Variants in HS3ST4 observed in about 807,000 individuals in gnomAD.
HS3ST4 encodes heparan sulfate-glucosamine 3-sulfotransferase 4, also known as heparan sulfate glucosamine 3-O-sulfotransferase 4.
In HS3ST4, 17 loss-of-function variants were observed where a neutral mutation model predicts 29.2. That is an observed-to-expected ratio of 0.58 (90% CI 0.40 to 0.87). The LOEUF is 0.87. HS3ST4 is among the 40% of genes least tolerant of loss of function. The pLI is 0.00. For missense variants in HS3ST4, 627 were observed against 634.5 expected, an observed-to-expected ratio of 0.99 and a Z score of 0.13; for synonymous variants, 314 against 285.7, an observed-to-expected ratio of 1.10 and a Z score of -1.00.
At chr16:25,846,072 G>A (rs1310900217) in intron 1 of HS3ST4, among the ~76,000 whole-genome samples, 1 of 152,174 alleles carries the variant, frequency 6.6e-6, no homozygotes, top group African/African-American at 2.4e-5. Flanking sequence ...GTAGGAGGCT[G>A]TTGGCATTTG....
chr16:26,080,815 G>A (rs150659753), intron 1 of HS3ST4, among the ~76,000 whole-genome samples: 4 of 152,246 alleles, frequency 2.6e-5, no homozygotes, highest in African/African-American at 4.8e-5. Context: ...TACAGATGCC[G>A]GTTGTTGCTA....
intron 1 of HS3ST4, among the ~76,000 whole-genome samples, chr16:25,729,529 AG>A: frequency 6.6e-6 from 1 of 152,330 alleles, no homozygotes; most frequent in African/African-American, 2.4e-5. Flanking sequence ...AGCAATAGAG[AG>A]GAAGTTCCTT....
chr16:26,027,354 T>TA (rs1427818535), intron 1 of HS3ST4, among the ~76,000 whole-genome samples: 2 of 152,200 alleles, frequency 1.3e-5, no homozygotes, highest in Non-Finnish European at 2.9e-5. Flanking sequence ...GGGAACTACT[T>TA]ACATTCCATC....
intron 1 of HS3ST4, among the ~76,000 whole-genome samples, chr16:26,060,878 A>C (rs1898466393): frequency 6.6e-6 from 1 of 152,222 alleles, no homozygotes; most frequent in African/African-American, 2.4e-5. Flanking sequence ...TGGGTATTCC[A>C]GTTCCTCTGG....
chr16:26,011,128 T>TA (rs1284582040), intron 1 of HS3ST4, among the ~76,000 whole-genome samples: 1 of 152,070 alleles, frequency 6.6e-6, no homozygotes, highest in Non-Finnish European at 1.5e-5. Context: ...TTGGCATGGT[T>TA]AGGAAATTGG....
At chr16:25,884,248 G>A (rs890971346) in intron 1 of HS3ST4, among the ~76,000 whole-genome samples, 2 of 152,140 alleles carry the variant, frequency 1.3e-5, no homozygotes, top group African/African-American at 2.4e-5. Context: ...AAGGAGTTCC[G>A]TGGCATGGCT....
intron 1 of HS3ST4, among the ~76,000 whole-genome samples, chr16:25,865,387 C>T (rs1967683807): frequency 6.6e-6 from 1 of 152,114 alleles, no homozygotes; most frequent in African/African-American, 2.4e-5. Flanking sequence ...TTTTTATTTG[C>T]ACTTCTCTCT....
intron 1 of HS3ST4, among the ~76,000 whole-genome samples, chr16:26,020,346 C>T (rs1011395641): frequency 2.6e-5 from 4 of 152,066 alleles, no homozygotes; most frequent in African/African-American, 9.7e-5. Flanking sequence ...CTGTGGGGCA[C>T]GAGAATTATA....
At chr16:25,943,207 C>G (rs1173899026) in intron 1 of HS3ST4, among the ~76,000 whole-genome samples, 2 of 152,014 alleles carry the variant, frequency 1.3e-5, no homozygotes, top group Admixed American at 1.3e-4. Context: ...ACTTTTTGTA[C>G]CAAGATATCC....
chr16:26,031,159 C>T (rs775592552), intron 1 of HS3ST4, among the ~76,000 whole-genome samples: 3 of 152,100 alleles, frequency 2.0e-5, no homozygotes, highest in African/African-American at 7.2e-5. Flanking sequence ...CCATTCAGAG[C>T]GGGACTACCT....
At chr16:25,814,200 CTG>C (rs1278215743) in intron 1 of HS3ST4, among the ~76,000 whole-genome samples, 1 of 152,100 alleles carries the variant, frequency 6.6e-6, no homozygotes, top group Non-Finnish European at 1.5e-5. Context: ...CACTGAACAA[CTG>C]TGAATGTTAG....
chr16:25,991,536 A>G (rs1969113756), intron 1 of HS3ST4, among the ~76,000 whole-genome samples: 1 of 152,226 alleles, frequency 6.6e-6, no homozygotes, highest in African/African-American at 2.4e-5. Flanking sequence ...AATCAGGAAG[A>G]TTAAGTTAGT....
chr16:25,982,549 T>C (rs1209294234), intron 1 of HS3ST4, among the ~76,000 whole-genome samples: 2 of 152,192 alleles, frequency 1.3e-5, no homozygotes, highest in Non-Finnish European at 2.9e-5. Flanking sequence ...TTCAATGTTG[T>C]CAGGCACGGT....
At chr16:25,983,898 CTGTGTT>C (rs370481325) in intron 1 of HS3ST4, among the ~76,000 whole-genome samples, 7 of 20,080 alleles carry the variant, frequency 3.5e-4, no homozygotes, top group African/African-American at 1.1e-3. Context: ...TTTCTTGTGT[CTGTGTT>C]TGTGTGTGTG....
intron 1 of HS3ST4, among the ~76,000 whole-genome samples, chr16:25,926,553 C>G (rs1040098731): frequency 9.9e-5 from 15 of 152,180 alleles, no homozygotes; most frequent in Non-Finnish European, 1.3e-4. Context: ...GCATAGCTAA[C>G]TTTTAGTGAG....
At chr16:25,904,527 G>A (rs551715455) in intron 1 of HS3ST4, among the ~76,000 whole-genome samples, 170 of 152,244 alleles carry the variant, frequency 1.1e-3, no homozygotes, top group African/African-American at 3.1e-3. Flanking sequence ...AGCACTGGCC[G>A]TCAGAATAGG....
chr16:25,719,971 G>A (rs866819692), intron 1 of HS3ST4, among the ~76,000 whole-genome samples: 5 of 152,162 alleles, frequency 3.3e-5, no homozygotes, highest in African/African-American at 1.2e-4. Flanking sequence ...GGTTCTTTCC[G>A]TGAGTGTTAT....
At chr16:25,795,636 G>A (rs532611060) in intron 1 of HS3ST4, among the ~76,000 whole-genome samples, 21 of 152,208 alleles carry the variant, frequency 1.4e-4, no homozygotes, top group African/African-American at 4.8e-4. Flanking sequence ...ATTTCAATTG[G>A]ATGTTGGAGA....
chr16:26,132,924 G>T (rs1355265628), intron 1 of HS3ST4, among the ~76,000 whole-genome samples: 1 of 152,020 alleles, frequency 6.6e-6, no homozygotes, highest in Admixed American at 6.6e-5. Flanking sequence ...TGAAACAAGG[G>T]AATATATCTC....
Sources: gnomAD v4.1 joint callset for allele counts (sites outside exome capture counted in the v4.1 genomes callset) on GRCh38, gnomAD v4.1.1 for gene constraint, MANE v1.5 for transcripts, NCBI Gene and HGNC (gene_info 2026-07-23, HGNC 2026-07-21) for gene names.